Variants in KCNQ5 observed in about 807,000 individuals in gnomAD.
KCNQ5 encodes potassium voltage-gated channel subfamily KQT member 5.
A neutral mutation model predicts 98.2 loss-of-function variants in KCNQ5; 30 were observed. The ratio of observed to expected loss-of-function variants is 0.31; its 90% CI spans 0.23 to 0.41. KCNQ5 has a LOEUF of 0.41. Ranked by LOEUF, KCNQ5 falls within the 10% of genes least tolerant of loss-of-function variation. The pLI is 1.00. For synonymous variants in KCNQ5, 458 were observed against 449.4 expected (o/e 1.02, Z -0.24); for missense variants, 835 against 1,182.5 (o/e 0.71, Z 4.31).
rs146314804 is a variant in KCNQ5, at chr6:72,939,136, G to T, written c.399-64772G>T. Among the ~76,000 whole-genome samples, 690 of 152,252 alleles carry T rather than the reference G, an allele frequency of 4.5e-3. 4 individuals are homozygous for T. Among genetic ancestry groups the T allele is most frequent in the African/African-American group, 0.016 (667 of 41,528 alleles). On this transcript the variant is annotated intron_variant, in intron 1 of 13. Transcript: ENST00000370398. ...TGATGTTCGTTGAGCATTACAGAAC[G>T]CTCAGTGCTTTTGGCGAGCGGGTGG...
intron 1 of KCNQ5, among the ~76,000 whole-genome samples, chr6:73,002,216 T>G (rs1324972819): frequency 6.6e-6 from 1 of 152,222 alleles, no homozygotes; most frequent in Non-Finnish European, 1.5e-5. Context: ...TCTTTCCTCT[T>G]GGAGCCTTCT....
intron 1 of KCNQ5, among the ~76,000 whole-genome samples, chr6:72,663,369 T>C (rs571023454): frequency 5.9e-5 from 9 of 152,320 alleles, no homozygotes; most frequent in African/African-American, 2.2e-4. Flanking sequence ...ATTATAATTA[T>C]ATTTGGTAAT....
chr6:73,157,911 T>C (rs1284223210), intron 10 of KCNQ5: 1 of 775,238 alleles, frequency 1.3e-6, no homozygotes, highest in African/African-American at 1.7e-5. Flanking sequence ...CTTCTGCTCC[T>C]GCCCCGCTGT....
At chr6:72,828,422 TC>T (rs1776097680) in intron 1 of KCNQ5, among the ~76,000 whole-genome samples, 1 of 152,154 alleles carries the variant, frequency 6.6e-6, no homozygotes, top group African/African-American at 2.4e-5. Flanking sequence ...TTTGTAGGGT[TC>T]CTTATAGAGG....
intron 1 of KCNQ5, among the ~76,000 whole-genome samples, chr6:72,775,526 G>A (rs1025715926): frequency 1.6e-4 from 24 of 152,164 alleles, no homozygotes; most frequent in African/African-American, 5.8e-4. Context: ...ACATACCTCT[G>A]CCTTTTAAGG....
intron 6 of KCNQ5, among the ~76,000 whole-genome samples, chr6:73,110,967 A>G (rs977894200): frequency 3.9e-5 from 6 of 152,186 alleles, no homozygotes; most frequent in Admixed American, 1.3e-4. Context: ...GGCAAAAAGA[A>G]ATGTCACAGA....
intron 1 of KCNQ5, among the ~76,000 whole-genome samples, chr6:72,743,355 T>C (rs1299503140): frequency 6.6e-6 from 1 of 151,812 alleles, no homozygotes; most frequent in African/African-American, 2.4e-5. Flanking sequence ...TTCATTTTAG[T>C]CATCAAAACA....
chr6:72,868,915 C>A (rs867377794), intron 1 of KCNQ5, among the ~76,000 whole-genome samples: 1 of 152,098 alleles, frequency 6.6e-6, no homozygotes, highest in South Asian at 2.1e-4. Context: ...TGAATAAGGT[C>A]TAGTATTTCA....
At chr6:73,188,317 A>G (rs1270204934) in intron 11 of KCNQ5, among the ~76,000 whole-genome samples, 1 of 152,244 alleles carries the variant, frequency 6.6e-6, no homozygotes, top group Non-Finnish European at 1.5e-5. Context: ...ATCAAGTGCT[A>G]TTGAAGACAT....
intron 1 of KCNQ5, among the ~76,000 whole-genome samples, chr6:72,740,371 TC>T (rs944656490): frequency 5.3e-4 from 81 of 152,226 alleles, no homozygotes; most frequent in Non-Finnish European, 2.6e-4. Flanking sequence ...AGAGTGGCTG[TC>T]CGGTTCAGTT....
chr6:72,646,282 A>C (rs1019333305), intron 1 of KCNQ5, among the ~76,000 whole-genome samples: 2 of 151,866 alleles, frequency 1.3e-5, no homozygotes, highest in African/African-American at 4.9e-5. Flanking sequence ...GAAACTGTGA[A>C]AAATACATCT....
At chr6:72,733,345 T>C (rs1770652563) in intron 1 of KCNQ5, among the ~76,000 whole-genome samples, 2 of 152,172 alleles carry the variant, frequency 1.3e-5, no homozygotes, top group Admixed American at 1.3e-4. Flanking sequence ...AGATGTCAAG[T>C]AAAGTAAGAG....
intron 13 of KCNQ5, among the ~76,000 whole-genome samples, chr6:73,193,949 A>C (rs1765692082): frequency 6.7e-6 from 1 of 149,364 alleles, no homozygotes; most frequent in African/African-American, 2.5e-5. Context: ...CAATCCTCCC[A>C]ACTCAGCCTT....
At chr6:72,878,211 A>G (rs553891937) in intron 1 of KCNQ5, among the ~76,000 whole-genome samples, 3 of 152,344 alleles carry the variant, frequency 2.0e-5, no homozygotes, top group South Asian at 4.1e-4. Flanking sequence ...CAGAGGTTGC[A>G]GTGAGCCGAG....
chr6:72,704,904 C>T (rs555451673), intron 1 of KCNQ5, among the ~76,000 whole-genome samples: 10 of 152,066 alleles, frequency 6.6e-5, no homozygotes, highest in African/African-American at 2.4e-4. Context: ...TTGTTATGCC[C>T]CCCTCAGTTC....
At chr6:73,031,191 GAA>G (rs986832372) in intron 2 of KCNQ5, among the ~76,000 whole-genome samples, 97 of 152,314 alleles carry the variant, frequency 6.4e-4, no homozygotes, top group African/African-American at 2.3e-3. Context: ...TGTAAAAAGA[GAA>G]GAGGTATCGG....
intron 2 of KCNQ5, among the ~76,000 whole-genome samples, chr6:73,020,584 A>C (rs1179338170): frequency 6.6e-6 from 1 of 152,088 alleles, no homozygotes; most frequent in African/African-American, 2.4e-5. Flanking sequence ...CTGATCATCA[A>C]CTTAACATTC....
chr6:72,637,885 T>G (rs890683655), intron 1 of KCNQ5, among the ~76,000 whole-genome samples: 16 of 152,188 alleles, frequency 1.1e-4, no homozygotes, highest in African/African-American at 3.9e-4. Flanking sequence ...GGGAAACAGT[T>G]TTAACAAGCT....
At chr6:72,929,777 C>A (rs889649723) in intron 1 of KCNQ5, among the ~76,000 whole-genome samples, 1 of 151,848 alleles carries the variant, frequency 6.6e-6, no homozygotes, top group Non-Finnish European at 1.5e-5. Flanking sequence ...TAATTTAAAA[C>A]GTATACAATT....
Sources: gnomAD v4.1 joint callset for allele counts (sites outside exome capture counted in the v4.1 genomes callset) on GRCh38, gnomAD v4.1.1 for gene constraint, MANE v1.5 for transcripts, NCBI Gene and HGNC (gene_info 2026-07-23, HGNC 2026-07-21) for gene names.